The following GRB14 variants were observed in gnomAD, a reference collection of about 807,000 sequenced individuals.
GRB14 encodes growth factor receptor-bound protein 14.
GRB14 carries 38 observed loss-of-function variants against 69.1 expected under a neutral mutation model. That is an observed-to-expected ratio of 0.55 (90% CI 0.42 to 0.72). The LOEUF (loss-of-function observed/expected upper bound fraction) is 0.72, where lower values mean the gene tolerates loss of function less well. GRB14 is among the 30% of genes least tolerant of loss of function. The pLI is 0.00. For synonymous variants in GRB14, 247 were observed against 241.3 expected (o/e 1.02, Z -0.22); for missense variants, 666 against 666.1 (o/e 1.00, Z 0.00).
Position 164,521,833 on chromosome 2 carries a change from A to G in GRB14, c.816+147T>C, listed in dbSNP as rs1298508589. The G allele has an allele frequency of 1.8e-5, 12 of 673,508 alleles. No individual in the cohort carries two copies. The Admixed American group carries it at 2.9e-4, about 16-fold the overall frequency. 41.7% of individuals were successfully genotyped at this position (673,508 alleles called of 1,614,324 possible). A position where few individuals can be genotyped will look rare whatever the true frequency, so the allele number is the denominator to read the frequency against. ...GTGAAGTAAAGCTGAGTAGTGTTTA[A>G]ATAATCAAGGCAAACGTTTTAAATC... On this transcript the variant is annotated intron_variant, in intron 6 of 13. Transcript: ENST00000263915.
At chr2:164,523,407 T>C (rs1687686816) in intron 5 of GRB14, among the ~76,000 whole-genome samples, 1 of 151,532 alleles carries the variant, frequency 6.6e-6, no homozygotes, top group Non-Finnish European at 1.5e-5. Flanking sequence ...AATGCATTAG[T>C]GTCTCATTTA....
chr2:164,603,384 C>T (rs1320149540), intron 2 of GRB14, among the ~76,000 whole-genome samples: 4 of 152,074 alleles, frequency 2.6e-5, no homozygotes, highest in Non-Finnish European at 5.9e-5. Flanking sequence ...CTACATGAGG[C>T]CGGGTGCGGT....
At chr2:164,573,747 G>A (rs771513056) in intron 2 of GRB14, 77 of 1,607,658 alleles carry the variant, frequency 4.8e-5, no homozygotes, top group Middle Eastern at 1.9e-4. Context: ...ATTCATGCCC[G>A]TCTCTTCATA....
At chr2:164,512,236 G>A (rs1405096208) in intron 6 of GRB14, among the ~76,000 whole-genome samples, 3 of 152,054 alleles carry the variant, frequency 2.0e-5, no homozygotes, top group Non-Finnish European at 4.4e-5. Context: ...GCGTGATCTC[G>A]GCTCACTGCA....
At chr2:164,614,282 T>C (rs1446322834) in intron 2 of GRB14, among the ~76,000 whole-genome samples, 1 of 152,222 alleles carries the variant, frequency 6.6e-6, no homozygotes, top group Non-Finnish European at 1.5e-5. Flanking sequence ...TGCATATATG[T>C]TTTGTTTCCA....
chr2:164,540,013 T>C (rs1464423659), intron 3 of GRB14: 1 of 152,216 alleles, frequency 6.6e-6, no homozygotes, highest in African/African-American at 2.4e-5. Context: ...CCCTTGCTTT[T>C]TCTCTCACTC....
intron 2 of GRB14, chr2:164,568,555 G>A: frequency 1.2e-6 from 1 of 851,328 alleles, no homozygotes; most frequent in Non-Finnish European, 1.5e-6. Context: ...ATGGCTGTGG[G>A]ACAGGACAAG....
intron 2 of GRB14, among the ~76,000 whole-genome samples, chr2:164,588,411 C>A (rs1429010928): frequency 1.3e-5 from 2 of 152,050 alleles, no homozygotes; most frequent in African/African-American, 4.8e-5. Flanking sequence ...AATCAACGGA[C>A]CATCTGGTAG....
chr2:164,607,145 T>G (rs1002076160), intron 2 of GRB14, among the ~76,000 whole-genome samples: 1 of 152,216 alleles, frequency 6.6e-6, no homozygotes, highest in African/African-American at 2.4e-5. Context: ...AGACTCTTCC[T>G]GGAAAATAAA....
At chr2:164,552,879 C>A (rs1336632443) in intron 2 of GRB14, among the ~76,000 whole-genome samples, 1 of 152,098 alleles carries the variant, frequency 6.6e-6, no homozygotes, top group Non-Finnish European at 1.5e-5. Context: ...GGTGCTTCTG[C>A]CAAAGATGAT....
At chr2:164,493,275 T>C (rs963150841) in intron 13 of GRB14, 93 bp from the exon 14 acceptor site, 3 of 1,170,680 alleles carry the variant, frequency 2.6e-6, no homozygotes, top group African/African-American at 3.1e-5. Flanking sequence ...ATGCCAAAAC[T>C]GCCAAGTTTA....
intron 2 of GRB14, among the ~76,000 whole-genome samples, chr2:164,556,629 G>A (rs7603545): frequency 2.2e-4 from 34 of 151,810 alleles, no homozygotes; most frequent in Non-Finnish European, 4.6e-4. Context: ...CTTAGAACAC[G>A]GTTTCCCTAC....
chr2:164,598,518 A>C (rs62173871), intron 2 of GRB14, among the ~76,000 whole-genome samples: 266 of 152,300 alleles, frequency 1.7e-3, no homozygotes, highest in Non-Finnish European at 3.1e-3. Flanking sequence ...AACTTTTTAT[A>C]ATCGTTTACA....
At position 164,552,830 on chromosome 2, in the gene GRB14, T is replaced by C. The variant is rs145669240; in HGVS notation, c.325-5014A>G. On this transcript the variant is annotated intron_variant, in intron 2 of 13. Transcript: ENST00000263915. ...AGAAAACTGATGGAATTCTGAGGCA[T>C]GCTGCTGTGCTTACAACTGCCTGGA... is the stretch of plus-strand genomic sequence containing the variant. 5.9e-5 allele frequency among the ~76,000 whole-genome samples: 9 copies of C among 152,332 alleles called. No individual in the cohort carries two copies. In the East Asian group the frequency reaches 1.7e-3, roughly 29 times the overall value.
At chr2:164,562,283 C>T (rs73020290) in intron 2 of GRB14, among the ~76,000 whole-genome samples, 3,227 of 152,256 alleles carry the variant, frequency 0.021, 108 homozygotes, top group African/African-American at 0.073. Context: ...CCTTAGGACA[C>T]TGAAAGGAGG....
Position 164,494,524 on chromosome 2 carries a change from T to G in GRB14, c.1383A>C (p.Gly461=), listed in dbSNP as rs765538638. The change falls in exon 13 of 14, where the codon GGA becomes GGC. Residue 461 remains glycine (G), a splice_region_variant and synonymous_variant. Transcript: ENST00000263915. The part of the protein sequence containing the change: ...RLIIQQGLVD[G]VFLVRDSQSN... ...TCTGACTATCCCGTACCAAGAAAAC[T>G]CTAAAGAGAGAGAAGGAATTTCAAT... 1 of 1,467,388 alleles carries G rather than the reference T, an allele frequency of 6.8e-7. No homozygotes were observed. The highest frequency in any genetic ancestry group is 9.6e-7 in the Non-Finnish European group (1 of 1,046,526). The allele number at this position is 1,467,388 out of a possible 1,614,324, so 90.9% of individuals were successfully genotyped here. A position where few individuals can be genotyped will look rare whatever the true frequency, so the allele number is the denominator to read the frequency against.
At chr2:164,553,334 A>G (rs2105315620) in intron 2 of GRB14, among the ~76,000 whole-genome samples, 1 of 152,338 alleles carries the variant, frequency 6.6e-6, no homozygotes. Flanking sequence ...ACAAGAATTG[A>G]GATGCACAAA....
At chr2:164,611,202 A>C (rs919854319) in intron 2 of GRB14, among the ~76,000 whole-genome samples, 3 of 152,154 alleles carry the variant, frequency 2.0e-5, no homozygotes, top group South Asian at 4.1e-4. Context: ...TAAGGTATTA[A>C]AATTTTTTAA....
intron 2 of GRB14, among the ~76,000 whole-genome samples, chr2:164,618,085 G>A (rs1016461588): frequency 4.6e-5 from 7 of 151,656 alleles, no homozygotes; most frequent in Non-Finnish European, 7.4e-5. Flanking sequence ...TCCTGCCTCC[G>A]CCTCCCGAGT....
Sources: gnomAD v4.1 joint callset for allele counts (sites outside exome capture counted in the v4.1 genomes callset) on GRCh38, gnomAD v4.1.1 for gene constraint, MANE v1.5 for transcripts, NCBI Gene and HGNC (gene_info 2026-07-23, HGNC 2026-07-21) for gene names.